CNTNAP2: variants seen among roughly 807,000 people sequenced by gnomAD.
CNTNAP2 encodes contactin-associated protein-like 2.
A neutral mutation model predicts 155.2 loss-of-function variants in CNTNAP2; 98 were observed. The ratio of observed to expected loss-of-function variants is 0.63; its 90% CI spans 0.54 to 0.75. The LOEUF is 0.75. Among genes scored for constraint, CNTNAP2 ranks in the 30% least tolerant of loss-of-function variants. The pLI is 0.00. For synonymous variants in CNTNAP2, 651 were observed against 631.2 expected, an observed-to-expected ratio of 1.03 and a Z score of -0.47; for missense variants, 1,727 against 1,688.1, an observed-to-expected ratio of 1.02 and a Z score of -0.40.
chr7:146,537,820 T>C (rs1797892602), intron 1 of CNTNAP2, among the ~76,000 whole-genome samples: 1 of 151,784 alleles, frequency 6.6e-6, no homozygotes, highest in South Asian at 2.1e-4. Context: ...TTGAGTTACG[T>C]GGGGGATATT....
chr7:148,019,204 C>CA (rs1802234100), intron 15 of CNTNAP2, among the ~76,000 whole-genome samples: 1 of 152,128 alleles, frequency 6.6e-6, no homozygotes, highest in Non-Finnish European at 1.5e-5. Flanking sequence ...CACATTCCCC[C>CA]ATAGTGTGGT....
At chr7:146,442,988 C>T (rs920741782) in intron 1 of CNTNAP2, among the ~76,000 whole-genome samples, 2 of 151,856 alleles carry the variant, frequency 1.3e-5, no homozygotes, top group African/African-American at 4.8e-5. Flanking sequence ...GGGCAGATCA[C>T]CAGGTCAGGA....
At chr7:146,869,093 C>G (rs1327515020) in intron 3 of CNTNAP2, among the ~76,000 whole-genome samples, 2 of 152,110 alleles carry the variant, frequency 1.3e-5, no homozygotes, top group Non-Finnish European at 2.9e-5. Flanking sequence ...TGTCTTGTGT[C>G]AGTTTTCAAG....
chr7:147,630,605 T>G (rs939813060), intron 12 of CNTNAP2, among the ~76,000 whole-genome samples: 6 of 152,068 alleles, frequency 3.9e-5, no homozygotes, highest in Non-Finnish European at 7.4e-5. Context: ...TTCAACAGCA[T>G]ATCAAAAAGA....
intron 8 of CNTNAP2, among the ~76,000 whole-genome samples, chr7:147,219,790 T>C (rs1301813738): frequency 1.3e-5 from 2 of 152,146 alleles, no homozygotes; most frequent in Non-Finnish European, 2.9e-5. Flanking sequence ...ACTTTTTTTG[T>C]TGTTGTTGAG....
chr7:147,599,303 C>A (rs1207936198), intron 12 of CNTNAP2, among the ~76,000 whole-genome samples: 1 of 151,360 alleles, frequency 6.6e-6, no homozygotes, highest in Non-Finnish European at 1.5e-5. Context: ...ATGGAGAAAC[C>A]CTGTCTCTAC....
At chr7:146,724,255 A>AGT (rs1182290241) in intron 1 of CNTNAP2, among the ~76,000 whole-genome samples, 1 of 152,200 alleles carries the variant, frequency 6.6e-6, no homozygotes, top group Non-Finnish European at 1.5e-5. Flanking sequence ...GATTAAATGA[A>AGT]GTAGTACATT....
At chr7:147,282,935 G>C (rs984850394) in intron 8 of CNTNAP2, among the ~76,000 whole-genome samples, 13 of 151,782 alleles carry the variant, frequency 8.6e-5, no homozygotes, top group African/African-American at 1.2e-4. Context: ...TAATTTGAAA[G>C]TGATATCAAC....
chr7:147,701,438 A>G (rs1003444052), intron 13 of CNTNAP2, among the ~76,000 whole-genome samples: 1 of 152,220 alleles, frequency 6.6e-6, no homozygotes, highest in Non-Finnish European at 1.5e-5. Context: ...AGCCATAAAA[A>G]TAAGTCAACT....
chr7:146,152,359 G>T (rs1419590543), intron 1 of CNTNAP2, among the ~76,000 whole-genome samples: 2 of 152,042 alleles, frequency 1.3e-5, no homozygotes, highest in African/African-American at 4.8e-5. Flanking sequence ...TACAGGCGAG[G>T]GATGGTTGGG....
chr7:147,370,813 A>AT, intron 9 of CNTNAP2, among the ~76,000 whole-genome samples: 1 of 152,216 alleles, frequency 6.6e-6, no homozygotes, highest in African/African-American at 2.4e-5. Context: ...AGAATCACTT[A>AT]TTTTTTTAAT....
At chr7:147,333,504 A>C (rs1795611524) in intron 9 of CNTNAP2, among the ~76,000 whole-genome samples, 1 of 152,224 alleles carries the variant, frequency 6.6e-6, no homozygotes, top group Admixed American at 6.5e-5. Context: ...AATCCTTTTA[A>C]ACAACTTTCT....
At chr7:146,926,369 T>A (rs999907899) in intron 3 of CNTNAP2, among the ~76,000 whole-genome samples, 14 of 152,146 alleles carry the variant, frequency 9.2e-5, no homozygotes, top group Non-Finnish European at 1.9e-4. Flanking sequence ...GTCAGTACTT[T>A]GTGTAGAAAA....
intron 21 of CNTNAP2, among the ~76,000 whole-genome samples, chr7:148,323,707 A>T (rs1025575958): frequency 6.6e-6 from 1 of 152,068 alleles, no homozygotes; most frequent in African/African-American, 2.4e-5. Flanking sequence ...TATAAATGTG[A>T]ACTCTTGAAA....
intron 15 of CNTNAP2, among the ~76,000 whole-genome samples, chr7:148,100,148 G>A (rs1190059304): frequency 2.0e-5 from 3 of 151,904 alleles, no homozygotes; most frequent in Non-Finnish European, 4.4e-5. Context: ...GGGATTACAG[G>A]TGTGAGACAC....
At chr7:148,065,764 A>T (rs751974881) in intron 15 of CNTNAP2, among the ~76,000 whole-genome samples, 14 of 152,204 alleles carry the variant, frequency 9.2e-5, no homozygotes, top group Non-Finnish European at 1.0e-4. Flanking sequence ...TAAGTGGAGC[A>T]TTTAAGTCAT....
chr7:148,098,181 C>G (rs914774135), intron 15 of CNTNAP2, among the ~76,000 whole-genome samples: 2 of 151,952 alleles, frequency 1.3e-5, no homozygotes, highest in Non-Finnish European at 2.9e-5. Flanking sequence ...CGCAGTGGCT[C>G]ACGCCTGTAG....
At chr7:147,360,833 T>A (rs183798291) in intron 9 of CNTNAP2, among the ~76,000 whole-genome samples, 307 of 152,232 alleles carry the variant, frequency 2.0e-3, no homozygotes, top group Non-Finnish European at 3.0e-3. Context: ...AGAGAGAAGA[T>A]TAAGGCCAAG....
Position 147,612,314 on chromosome 7 carries a change from C to A in CNTNAP2, c.1898-26792C>A, listed in dbSNP as rs114270946. Among the ~76,000 whole-genome samples, 967 of 151,580 alleles carry A rather than the reference C, an allele frequency of 6.4e-3. 10 individuals carry two copies. Among genetic ancestry groups the A allele is most frequent in the African/African-American group, 0.022 (925 of 41,356 alleles). ...CCTGAAATAAGATACATCTTGCTTT[C>A]ATATGGAATATTTCATGTTTGTTTC... On this transcript the variant is annotated intron_variant, in intron 12 of 23. Coordinates refer to ENST00000361727, the MANE Select transcript of CNTNAP2 (RefSeq NM_014141.6).
Sources: gnomAD v4.1 joint callset for allele counts (sites outside exome capture counted in the v4.1 genomes callset) on GRCh38, gnomAD v4.1.1 for gene constraint, MANE v1.5 for transcripts, NCBI Gene and HGNC (gene_info 2026-07-23, HGNC 2026-07-21) for gene names.